The following HEXB variants were observed in gnomAD, a reference collection of about 807,000 sequenced individuals.
HEXB encodes hexosaminidase subunit beta.
In HEXB, 51 loss-of-function variants were observed where a neutral mutation model predicts 71.2. The ratio of observed to expected loss-of-function variants is 0.72; its 90% CI spans 0.57 to 0.90. The LOEUF is 0.90. Among genes scored for constraint, HEXB ranks in the 40% least tolerant of loss-of-function variants. The pLI, the probability that HEXB is intolerant of heterozygous loss-of-function variation, is 0.00. For missense variants in HEXB, 617 were observed against 677.0 expected (o/e 0.91, Z 0.98); for synonymous variants, 266 against 249.3 (o/e 1.07, Z -0.63).
intron 9 of HEXB, among the ~76,000 whole-genome samples, chr5:74,717,061 G>T (rs575105913): frequency 3.3e-5 from 5 of 152,120 alleles, no homozygotes; most frequent in Admixed American, 6.5e-5. Context: ...ATGGTGGCAG[G>T]TGCCTGTAGT....
intron 1 of HEXB, among the ~76,000 whole-genome samples, chr5:74,645,921 C>T (rs1747993938): frequency 6.6e-6 from 1 of 150,714 alleles, no homozygotes; most frequent in African/African-American, 2.5e-5. Flanking sequence ...CATTAATCTC[C>T]ATTTAAGTTC....
chr5:74,671,170 T>G (rs190890644), intron 1 of HEXB, among the ~76,000 whole-genome samples: 2 of 152,274 alleles, frequency 1.3e-5, no homozygotes, highest in East Asian at 3.9e-4. Flanking sequence ...ACAAGAGTAC[T>G]GGCAACAAAG....
chr5:74,698,062 A>AATT (rs780978004), intron 5 of HEXB, among the ~76,000 whole-genome samples: 5 of 151,230 alleles, frequency 3.3e-5, no homozygotes, highest in African/African-American at 4.8e-5. Flanking sequence ...GCTATTTAAA[A>AATT]ATTATTATTA....
chr5:74,668,300 C>G (rs1169502209), intron 1 of HEXB, among the ~76,000 whole-genome samples: 1 of 151,094 alleles, frequency 6.6e-6, no homozygotes, highest in African/African-American at 2.4e-5. Flanking sequence ...TTCTGCTTTT[C>G]TCTTTTCAGT....
intron 1 of HEXB, among the ~76,000 whole-genome samples, chr5:74,661,391 T>C (rs535884630): frequency 1.3e-5 from 2 of 152,302 alleles, no homozygotes; most frequent in Non-Finnish European, 2.9e-5. Context: ...AAATCTTTAC[T>C]CCTTTAGTCC....
chr5:74,664,338 G>A (rs1485133453), intron 1 of HEXB, among the ~76,000 whole-genome samples: 1 of 150,808 alleles, frequency 6.6e-6, no homozygotes, highest in African/African-American at 2.4e-5. Context: ...GTCTGAGGTG[G>A]GAGGATCACT....
chr5:74,685,305 G>T lies in HEXB; in HGVS notation c.45G>T (p.Leu15=). 1 of 1,562,996 alleles carries T rather than the reference G, an allele frequency of 6.4e-7. No homozygotes were observed. The highest frequency in any genetic ancestry group is 8.6e-7 in the Non-Finnish European group (1 of 1,157,736). Residue 15 remains leucine (L), a synonymous_variant, in exon 1 of 14, where the codon CTG becomes CTT. Transcript: ENST00000261416. ...GGCTGCCCCGGCCGCCCATGCTGCT[G>T]GCGCTGCTGTTGGCGACACTGCTGG... ...GLGLPRPPML[L]ALLLATLLAA...
chr5:74,706,657 C>T (rs1749400809), intron 6 of HEXB, among the ~76,000 whole-genome samples: 1 of 152,222 alleles, frequency 6.6e-6, no homozygotes, highest in African/African-American at 2.4e-5. Flanking sequence ...CTGCACCTGG[C>T]TCGGAGGGTC....
At position 74,652,425 on chromosome 5, in the gene HEXB, T is replaced by C. The variant is rs74947495; in HGVS notation, c.-377+11867T>C. Among the ~76,000 whole-genome samples the C allele has an allele frequency of 0.012, 1,838 of 152,340 alleles. 31 individuals are homozygous for C. The highest frequency in any genetic ancestry group is 0.042 in the African/African-American group (1,761 of 41,570). ...AATACACAGTAGCCGTTTGCCTTCA[T>C]GTATTTGCTTAATCAATGGTACGAA... On this transcript the variant is annotated intron_variant, in intron 1 of 13. Coordinates refer to the HEXB transcript ENST00000511181. The surrounding 1 kb of genome is among the most constrained non-coding windows in gnomAD (Gnocchi z 5.4).
At position 74,710,240 on chromosome 5, in the gene HEXB, C is replaced by G. The variant is rs936548794; in HGVS notation, c.772-3266C>G. Among the ~76,000 whole-genome samples, 238 of 151,898 alleles carry G rather than the reference C, an allele frequency of 1.6e-3. 1 individual carries two copies. The highest frequency in any genetic ancestry group is 5.5e-3 in the African/African-American group (229 of 41,342). On this transcript the variant is annotated intron_variant, in intron 6 of 13. Transcript: ENST00000261416. ...AGGCCTTTGACAAAATTCAACAACC[C>G]TTCATGCTAAAAACTCTCAATAAAT...
intron 2 of HEXB, 146 bp from the exon 3 acceptor site, chr5:74,693,493 G>A (rs924308667): frequency 1.8e-5 from 13 of 707,612 alleles, no homozygotes; most frequent in Non-Finnish European, 3.4e-5. Flanking sequence ...TCCAAATGGA[G>A]ATGTACAGGA....
At chr5:74,709,186 A>G (rs573731722) in intron 6 of HEXB, among the ~76,000 whole-genome samples, 3 of 152,380 alleles carry the variant, frequency 2.0e-5, no homozygotes, top group South Asian at 4.1e-4. Flanking sequence ...CTGCTCCTGA[A>G]TGATTACTGG....
rs1376742145 is a variant in HEXB at position 74,696,690 on chromosome 5, C to T, written c.512-3C>T. The T allele has an allele frequency of 1.4e-6, 2 of 1,390,744 alleles. No homozygotes were observed. Among genetic ancestry groups the T allele is most frequent in the Non-Finnish European group, 2.0e-6 (2 of 978,338 alleles). 86.2% of individuals were successfully genotyped at this position (1,390,744 alleles called of 1,614,324 possible). ...TTAATGCAATAAATTTTACTTTCCT[C>T]AGGTTTAGAGACCTTTAGCCAGTTA... On this transcript the variant is annotated splice_polypyrimidine_tract_variant and splice_region_variant and intron_variant, in intron 3 of 13. Coordinates refer to ENST00000261416, the MANE Select transcript of HEXB (RefSeq NM_000521.4).
intron 11 of HEXB, among the ~76,000 whole-genome samples, chr5:74,719,815 A>G (rs150456198): frequency 0.022 from 3,393 of 151,870 alleles, 122 homozygotes; most frequent in African/African-American, 0.078. Context: ...GGTGATGGGT[A>G]CCTGTAATCC....
rs1053480073 is a variant in HEXB, at chr5:74,698,377, AATTATT to A, written c.669+1287_669+1292del. Among the ~76,000 whole-genome samples, 26 of 149,732 alleles carry A rather than the reference AATTATT, an allele frequency of 1.7e-4. No homozygotes were observed. In the South Asian group the frequency reaches 2.1e-3, roughly 12 times the overall value. ...GTGTGAGCCACCGTGCCCAGCCAAA[AATTATT>A]ATTATTATTATTATTTTTTTTTCTT... On this transcript the variant is annotated intron_variant, in intron 5 of 13. Coordinates refer to ENST00000261416, the MANE Select transcript of HEXB (RefSeq NM_000521.4).
At chr5:74,718,216 G>A in intron 9 of HEXB, 75 bp from the exon 10 acceptor site, 1 of 1,032,342 alleles carries the variant, frequency 9.7e-7, no homozygotes, top group Non-Finnish European at 1.5e-6. Flanking sequence ...GAAATCCTTG[G>A]TAGAAAATGT....
At chr5:74,650,260 C>T (rs911834950) in intron 1 of HEXB, among the ~76,000 whole-genome samples, 3 of 152,208 alleles carry the variant, frequency 2.0e-5, no homozygotes, top group Non-Finnish European at 4.4e-5. Flanking sequence ...AAACCTCAAT[C>T]GTCTAGAAGC....
At chr5:74,666,724 A>G (rs1748438613) in intron 1 of HEXB, among the ~76,000 whole-genome samples, 1 of 152,096 alleles carries the variant, frequency 6.6e-6, no homozygotes, top group East Asian at 1.9e-4. Context: ...CTCTCCCTCT[A>G]TCAATCAACC....
At chr5:74,648,166 A>G (rs756312341) in intron 1 of HEXB, among the ~76,000 whole-genome samples, 4 of 152,204 alleles carry the variant, frequency 2.6e-5, no homozygotes. Flanking sequence ...GGGATACTTG[A>G]GGATTATAGA....
Sources: allele counts gnomAD v4.1 joint callset (sites outside exome capture counted in the v4.1 genomes callset), GRCh38; gene constraint gnomAD v4.1.1; non-coding constraint Gnocchi (gnomAD v3.1); transcripts MANE v1.5; gene names NCBI Gene and HGNC (gene_info 2026-07-23, HGNC 2026-07-21).